Variants in NUP98 observed in about 807,000 individuals in gnomAD.
The protein encoded by NUP98 is nuclear pore complex protein Nup98-Nup96.
A neutral mutation model predicts 191.9 loss-of-function variants in NUP98; 26 were observed. The observed-to-expected ratio is 0.14, with a 90% CI of 0.10 to 0.19. The LOEUF (loss-of-function observed/expected upper bound fraction) is 0.19. NUP98 is among the 10% of genes least tolerant of loss of function. The pLI, the probability that NUP98 is intolerant of heterozygous loss-of-function variation, is 1.00. For synonymous variants in NUP98, 808 were observed against 778.4 expected, an observed-to-expected ratio of 1.04 and a Z score of -0.63; for missense variants, 1,941 against 2,178.8, an observed-to-expected ratio of 0.89 and a Z score of 2.17.
intron 9 of NUP98, among the ~76,000 whole-genome samples, chr11:3,762,113 CTTTTTTA>C (rs1441928615): frequency 2.0e-5 from 3 of 151,852 alleles, no homozygotes; most frequent in Non-Finnish European, 2.9e-5. Context: ...CTTTGTGTTC[CTTTTTTA>C]TTTTTTAAGA....
rs2077818027 is a variant in NUP98 at position 3,676,551 on chromosome 11, G to A, written c.5143C>T (p.Gln1715Ter). 2 of 1,614,020 alleles carry A rather than the reference G, an allele frequency of 1.2e-6. No individual in the cohort carries two copies. Among genetic ancestry groups the A allele is most frequent in the Non-Finnish European group, 8.5e-7 (1 of 1,180,004 alleles). Residue 1715 changes from glutamine to a stop codon, truncating the protein, a stop_gained, in exon 32 of 33, where the codon CAG (glutamine) becomes TAG (stop). Coordinates refer to ENST00000324932, the MANE Select transcript of NUP98 (RefSeq NM_016320.5). LOFTEE classifies it high-confidence loss of function. ...KVTSLCSRIE[Q>*]IQCYSAKDRL... ...TCTTTAGCACTGTAACACTGAATCT[G>A]CTCTATCCGACTGCACAGTGAAGTC...
chr11:3,687,605 AAT>A (rs1228926470), intron 28 of NUP98, among the ~76,000 whole-genome samples: 2 of 152,244 alleles, frequency 1.3e-5, no homozygotes, highest in African/African-American at 2.4e-5. Flanking sequence ...TGAAAAGGTC[AAT>A]ATGATTGCTA....
At chr11:3,789,806 A>C (rs781550700) in intron 1 of NUP98, among the ~76,000 whole-genome samples, 2 of 151,648 alleles carry the variant, frequency 1.3e-5, no homozygotes, top group African/African-American at 2.4e-5. Flanking sequence ...TTTTTGAGAC[A>C]GTCTTGCTCT....
intron 30 of NUP98, among the ~76,000 whole-genome samples, chr11:3,680,265 A>C (rs908341809): frequency 6.6e-6 from 1 of 152,220 alleles, no homozygotes; most frequent in African/African-American, 2.4e-5. Context: ...GCATTTCAAC[A>C]ATGTTCACAG....
In NUP98 at chr11:3,740,974, A is replaced by G. The variant is rs1275206583; in HGVS notation, c.1408+3535T>C. The stretch of plus-strand genomic sequence containing the variant: ...GCTGGGATTACAGGCATGTGCCACC[A>G]TACCTGGCTAGTTTTTCTATTTGTG... On this transcript the variant is annotated intron_variant, in intron 12 of 32. Coordinates refer to ENST00000324932, the MANE Select transcript of NUP98 (RefSeq NM_016320.5). 1.3e-5 allele frequency among the ~76,000 whole-genome samples: 2 copies of G among 151,884 alleles called. 1 individual carries two copies. Among genetic ancestry groups the G allele is most frequent in the Non-Finnish European group, 2.9e-5 (2 of 67,974 alleles).
At position 3,771,946 on chromosome 11, in the gene NUP98, A is replaced by G. The variant is rs187879713; in HGVS notation, c.604-18T>C. The G allele has an allele frequency of 3.6e-5, 58 of 1,604,724 alleles. No individual in the cohort carries two copies. The highest frequency in any genetic ancestry group is 2.2e-4 in the Admixed American group (13 of 59,488). ...CGAAGTTCCTGAAGGGAGGGAAAAC[A>G]TATTTCTAATCTTAACATGCAGCTA... On this transcript the variant is annotated intron_variant, in intron 6 of 32. Transcript: ENST00000324932.
At chr11:3,772,476 T>C (rs1468432203) in intron 6 of NUP98, among the ~76,000 whole-genome samples, 1 of 152,148 alleles carries the variant, frequency 6.6e-6, no homozygotes, top group Admixed American at 6.6e-5. Flanking sequence ...ACTAACTTCA[T>C]GCAACAACAT....
intron 31 of NUP98, among the ~76,000 whole-genome samples, chr11:3,678,670 G>T (rs1177549106): frequency 1.3e-5 from 2 of 152,196 alleles, no homozygotes; most frequent in Non-Finnish European, 2.9e-5. Context: ...AGTACAGCAG[G>T]CTAGCAAGGC....
intron 30 of NUP98, among the ~76,000 whole-genome samples, chr11:3,680,637 G>A (rs2077957231): frequency 1.3e-5 from 2 of 152,134 alleles, no homozygotes; most frequent in Non-Finnish European, 2.9e-5. Flanking sequence ...TGCCTCGCAG[G>A]CTCAAGTGAT....
At chr11:3,759,318 T>C (rs1282420852) in intron 10 of NUP98, among the ~76,000 whole-genome samples, 2 of 152,178 alleles carry the variant, frequency 1.3e-5, no homozygotes, top group Admixed American at 6.6e-5. Context: ...AAATATTGAC[T>C]GGGTGTGGTG....
intron 7 of NUP98, among the ~76,000 whole-genome samples, chr11:3,771,507 ATCT>A (rs1242541216): frequency 2.6e-5 from 4 of 152,200 alleles, no homozygotes; most frequent in Middle Eastern, 3.4e-3. Flanking sequence ...TTGCTCCTTC[ATCT>A]TCTTCAGATA....
rs186359864 is a variant in NUP98, at chr11:3,737,541, G to A, written c.1409-2217C>T. On this transcript the variant is annotated intron_variant, in intron 12 of 32. Coordinates refer to ENST00000324932, the MANE Select transcript of NUP98 (RefSeq NM_016320.5). ...ACTCCGGAGGCTGAGGCAGGAGAATGGCGTGAACCCAGGATACAGAGCTGG... is the reference window on the plus strand; with the variant it reads ...ACTCCGGAGGCTGAGGCAGGAGAATAGCGTGAACCCAGGATACAGAGCTGG... 7.9e-5 allele frequency among the ~76,000 whole-genome samples: 12 copies of A among 152,188 alleles called. No individual in the cohort carries two copies. In the East Asian group the frequency reaches 2.3e-3, roughly 29 times the overall value.
At chr11:3,697,407 C>T (rs903068716) in intron 25 of NUP98, 1 of 152,196 alleles carries the variant, frequency 6.6e-6, no homozygotes, top group African/African-American at 2.4e-5. Flanking sequence ...TAAATCCAGT[C>T]GATGGCTCCA....
intron 1 of NUP98, among the ~76,000 whole-genome samples, chr11:3,794,305 C>T (rs1411977127): frequency 6.6e-6 from 1 of 151,998 alleles, no homozygotes; most frequent in African/African-American, 2.4e-5. Context: ...GCCTCTAATA[C>T]ATACTGTTTT....
intron 14 of NUP98, among the ~76,000 whole-genome samples, chr11:3,725,606 G>C (rs1279404426): frequency 6.6e-6 from 1 of 152,048 alleles, no homozygotes; most frequent in Non-Finnish European, 1.5e-5. Flanking sequence ...CAAACGTATG[G>C]CTGTCTCACC....
At chr11:3,725,360 T>C in intron 14 of NUP98, 141 bp from the exon 15 acceptor site, 1 of 550,756 alleles carries the variant, frequency 1.8e-6, no homozygotes, top group Non-Finnish European at 3.3e-6. Flanking sequence ...ACAAGTTTCA[T>C]TTATAAACGC....
intron 5 of NUP98, among the ~76,000 whole-genome samples, chr11:3,775,213 C>T (rs2081670655): frequency 6.6e-6 from 1 of 152,088 alleles, no homozygotes; most frequent in African/African-American, 2.4e-5. Context: ...CTTATTTGCC[C>T]CCTATTCTTT....
intron 30 of NUP98, among the ~76,000 whole-genome samples, chr11:3,681,808 A>G (rs772279497): frequency 7.9e-5 from 12 of 152,198 alleles, no homozygotes; most frequent in Admixed American, 2.6e-4. Context: ...CAGCTGAATT[A>G]GCCCTAAAGG....
chr11:3,789,501 C>CTTT (rs914589009), intron 1 of NUP98, among the ~76,000 whole-genome samples: 4,815 of 122,572 alleles, frequency 0.039, 81 homozygotes, highest in Non-Finnish European at 0.061. Context: ...TTACCTATTT[C>CTTT]TTTTTTTTTT....
Sources: allele counts gnomAD v4.1 joint callset (sites outside exome capture counted in the v4.1 genomes callset), GRCh38; gene constraint gnomAD v4.1.1; transcripts MANE v1.5; gene names NCBI Gene and HGNC (gene_info 2026-07-23, HGNC 2026-07-21).